RELN: variants seen among roughly 807,000 people sequenced by gnomAD.
RELN encodes reelin.
A neutral mutation model predicts 427.6 loss-of-function variants in RELN; 108 were observed. The ratio of observed to expected loss-of-function variants is 0.25; its 90% CI spans 0.22 to 0.30. The LOEUF (loss-of-function observed/expected upper bound fraction) is 0.30. RELN is among the 10% of genes least tolerant of loss of function. RELN has a pLI of 1.00. For synonymous variants in RELN, 1,524 were observed against 1,513.4 expected (o/e 1.01, Z -0.16); for missense variants, 3,715 against 4,302.8 (o/e 0.86, Z 3.82).
At chr7:103,881,613 T>C (rs1794609075) in intron 2 of RELN, among the ~76,000 whole-genome samples, 1 of 152,132 alleles carries the variant, frequency 6.6e-6, no homozygotes, top group Non-Finnish European at 1.5e-5. Flanking sequence ...TTTTCCTCCC[T>C]TCACTTGTCC....
At chr7:103,833,246 C>T (rs1793318719) in intron 3 of RELN, among the ~76,000 whole-genome samples, 1 of 152,108 alleles carries the variant, frequency 6.6e-6, no homozygotes, top group Admixed American at 6.6e-5. Context: ...TCCCTGTTCC[C>T]CACGTCCCCT....
chr7:103,737,193 G>A (rs550677255), intron 6 of RELN, among the ~76,000 whole-genome samples: 1 of 152,310 alleles, frequency 6.6e-6, no homozygotes, highest in East Asian at 1.9e-4. Flanking sequence ...TATTTATTGT[G>A]TCTGATTTTT....
intron 1 of RELN, among the ~76,000 whole-genome samples, chr7:103,936,495 C>T (rs1795987935): frequency 6.6e-6 from 1 of 152,028 alleles, no homozygotes. Context: ...ACTCTTCTTC[C>T]TCATTCATAC....
At chr7:103,645,472 A>C (rs1027830868) in intron 16 of RELN, among the ~76,000 whole-genome samples, 1 of 151,840 alleles carries the variant, frequency 6.6e-6, no homozygotes, top group African/African-American at 2.4e-5. Flanking sequence ...AAATGAACAG[A>C]AACAGCTATA....
chr7:103,883,567 T>A (rs1306876635), intron 2 of RELN, among the ~76,000 whole-genome samples: 1 of 152,206 alleles, frequency 6.6e-6, no homozygotes, highest in Non-Finnish European at 1.5e-5. Flanking sequence ...CTTAAGCTGA[T>A]AAGTAACTTC....
intron 28 of RELN, among the ~76,000 whole-genome samples, chr7:103,576,643 T>C (rs1174995290): frequency 1.3e-5 from 2 of 152,258 alleles, no homozygotes; most frequent in Non-Finnish European, 2.9e-5. Context: ...GAACTCTGGC[T>C]ATTTGCTATT....
intron 18 of RELN, 42 bp from the exon 19 acceptor site, chr7:103,635,628 T>TGA: frequency 6.5e-7 from 1 of 1,529,300 alleles, no homozygotes; most frequent in Non-Finnish European, 9.1e-7. Context: ...CATAAACATT[T>TGA]TTAATCATAA....
intron 28 of RELN, among the ~76,000 whole-genome samples, chr7:103,584,540 C>T (rs1284357027): frequency 1.3e-5 from 2 of 152,116 alleles, no homozygotes; most frequent in East Asian, 3.8e-4. Context: ...ATGTACCCAA[C>T]CATGGAACAC....
chr7:103,489,130 C>A (rs1035658464), intron 60 of RELN, among the ~76,000 whole-genome samples: 7 of 152,214 alleles, frequency 4.6e-5, no homozygotes, highest in Non-Finnish European at 1.0e-4. Flanking sequence ...CGAGTAGATA[C>A]TCTCTGCCCT....
intron 6 of RELN, among the ~76,000 whole-genome samples, chr7:103,731,173 A>G (rs1734170806): frequency 6.6e-6 from 1 of 152,130 alleles, no homozygotes; most frequent in Non-Finnish European, 1.5e-5. Flanking sequence ...GAGACTGGGG[A>G]AGTAAGAGAA....
chr7:103,752,700 C>A (rs1229189835), intron 5 of RELN, among the ~76,000 whole-genome samples: 1 of 152,190 alleles, frequency 6.6e-6, no homozygotes, highest in Non-Finnish European at 1.5e-5. Flanking sequence ...CAGGCATGAG[C>A]CACCATGCCC....
intron 4 of RELN, among the ~76,000 whole-genome samples, chr7:103,772,014 G>A (rs1052695659): frequency 3.9e-5 from 6 of 152,132 alleles, no homozygotes; most frequent in African/African-American, 1.4e-4. Context: ...GTAAGTCCCT[G>A]AGCATTAACA....
chr7:103,736,976 A>G (rs890608253), intron 6 of RELN, among the ~76,000 whole-genome samples: 3 of 152,310 alleles, frequency 2.0e-5, no homozygotes, highest in African/African-American at 4.8e-5. Context: ...AAGAGAAAAA[A>G]GTTATTAACA....
chr7:103,818,543 T>C (rs1792937959), intron 3 of RELN, among the ~76,000 whole-genome samples: 1 of 152,184 alleles, frequency 6.6e-6, no homozygotes, highest in Non-Finnish European at 1.5e-5. Context: ...TATAGTTTTA[T>C]GCATACGTCT....
chr7:103,749,892 G>A (rs549750705), intron 5 of RELN, among the ~76,000 whole-genome samples: 14 of 152,244 alleles, frequency 9.2e-5, no homozygotes, highest in East Asian at 3.9e-4. Context: ...CCCATATATC[G>A]TGGAAGGGAC....
At chr7:103,823,099 C>T (rs1382066299) in intron 3 of RELN, among the ~76,000 whole-genome samples, 1 of 151,868 alleles carries the variant, frequency 6.6e-6, no homozygotes. Context: ...AGGTAATTGC[C>T]CTTTTATCCC....
chr7:103,676,263 T>G (rs1833521551), intron 11 of RELN, among the ~76,000 whole-genome samples: 1 of 152,154 alleles, frequency 6.6e-6, no homozygotes, highest in African/African-American at 2.4e-5. Context: ...AGAAGATGTT[T>G]ATGCAGCCAA....
intron 1 of RELN, among the ~76,000 whole-genome samples, chr7:103,979,486 A>T (rs1268371655): frequency 6.6e-6 from 1 of 152,220 alleles, no homozygotes; most frequent in African/African-American, 2.4e-5. Flanking sequence ...TTTTTTTCTC[A>T]TTCAAATTAG....
intron 8 of RELN, among the ~76,000 whole-genome samples, chr7:103,708,123 A>T: frequency 6.6e-6 from 1 of 152,234 alleles, no homozygotes; most frequent in South Asian, 2.1e-4. Context: ...GGTTCTATTT[A>T]AATAGTACTA....
Sources: gnomAD v4.1 joint callset for allele counts (sites outside exome capture counted in the v4.1 genomes callset) on GRCh38, gnomAD v4.1.1 for gene constraint, MANE v1.5 for transcripts, NCBI Gene and HGNC (gene_info 2026-07-23, HGNC 2026-07-21) for gene names.